LONP2: variants seen among roughly 807,000 people sequenced by gnomAD.
LONP2 encodes lon peptidase 2, peroxisomal.
In LONP2, 60 loss-of-function variants were observed where a neutral mutation model predicts 85.6. The ratio of observed to expected loss-of-function variants is 0.70; its 90% CI spans 0.57 to 0.87. LONP2 has a LOEUF of 0.87. Among genes scored for constraint, LONP2 ranks in the 40% least tolerant of loss-of-function variants. The pLI is 0.00. For missense variants in LONP2, 860 were observed against 1,063.5 expected, an observed-to-expected ratio of 0.81 and a Z score of 2.66; for synonymous variants, 395 against 389.7, an observed-to-expected ratio of 1.01 and a Z score of -0.16.
At chr16:48,248,526 C>T (rs1327022977) in intron 1 of LONP2, among the ~76,000 whole-genome samples, 1 of 152,000 alleles carries the variant, frequency 6.6e-6, no homozygotes, top group Non-Finnish European at 1.5e-5. Context: ...ATATGAAAGC[C>T]TTTTGAAACT....
chr16:48,267,897 T>G (rs1312804183), intron 6 of LONP2, among the ~76,000 whole-genome samples: 3 of 152,186 alleles, frequency 2.0e-5, no homozygotes, highest in Admixed American at 2.0e-4. Flanking sequence ...ATTACAGGTG[T>G]GAGCCACCGA....
At chr16:48,251,365 A>T (rs1180434272) in intron 1 of LONP2, among the ~76,000 whole-genome samples, 1 of 152,162 alleles carries the variant, frequency 6.6e-6, no homozygotes, top group Non-Finnish European at 1.5e-5. Flanking sequence ...CTTAGTTTGG[A>T]TGAGGCTTCC....
chr16:48,296,182 T>C lies in LONP2; in HGVS notation c.1534+17T>C, dbSNP rs746987742. On this transcript the variant is annotated intron_variant, in intron 9 of 14. Coordinates refer to ENST00000285737, the MANE Select transcript of LONP2 (RefSeq NM_031490.5). ...AGGTTCCAGGTACCTGACTCTTAAA[T>C]CATTATGATACATCTTGCCTTTCTG... 1.2e-6 allele frequency: 2 copies of C among 1,612,346 alleles called. No individual in the cohort carries two copies. Among genetic ancestry groups the C allele is most frequent in the South Asian group, 1.1e-5 (1 of 90,726 alleles).
downstream of LONP2, among the ~76,000 whole-genome samples, chr16:48,358,197 A>G (rs1404089530): frequency 2.0e-5 from 3 of 152,242 alleles, no homozygotes; most frequent in Admixed American, 2.0e-4. Context: ...GTTAAACACA[A>G]AATGTACTAC....
At chr16:48,322,662 C>T (rs1039937696) in intron 11 of LONP2, among the ~76,000 whole-genome samples, 1 of 152,136 alleles carries the variant, frequency 6.6e-6, no homozygotes, top group African/African-American at 2.4e-5. Flanking sequence ...ATTGCTTGAA[C>T]CCATGAGTTC....
chr16:48,348,154 C>A lies in LONP2; in HGVS notation c.2201C>A (p.Ala734Asp). The change falls in exon 14 of 15, where the codon GCT becomes GAT. Residue 734 changes from alanine to aspartate, a missense_variant. By Grantham distance (126) the Ala-to-Asp change is moderately radical. Coordinates refer to ENST00000285737, the MANE Select transcript of LONP2 (RefSeq NM_031490.5). ...ACAGACATCCATCTGCACTTCCCAG[C>A]TGGAGCTGTCACAAAAGATGGACCA... ...DNTDIHLHFP[A>D]GAVTKDGPSA... 3.1e-6 allele frequency: 5 copies of A among 1,611,858 alleles called. No homozygotes were observed. The highest frequency in any genetic ancestry group is 4.2e-6 in the Non-Finnish European group (5 of 1,179,572).
chr16:48,304,686 G>A (rs1174845937), intron 11 of LONP2, among the ~76,000 whole-genome samples: 1 of 152,104 alleles, frequency 6.6e-6, no homozygotes, highest in South Asian at 2.1e-4. Flanking sequence ...TCTGGGCAAC[G>A]GAGCGAGACT....
intron 7 of LONP2, among the ~76,000 whole-genome samples, chr16:48,272,491 G>A (rs570458069): frequency 6.6e-6 from 1 of 152,114 alleles, no homozygotes; most frequent in East Asian, 1.9e-4. Flanking sequence ...TTGTGTATGT[G>A]ACTGTATTAA....
At chr16:48,361,143 T>G, downstream of LONP2, 1 of 165,280 alleles carries the variant, frequency 6.1e-6, no homozygotes, top group South Asian at 1.5e-4. Flanking sequence ...CACTATGTAT[T>G]GACTCACAAA....
chr16:48,267,451 A>G (rs966184418), intron 6 of LONP2, among the ~76,000 whole-genome samples: 2 of 150,976 alleles, frequency 1.3e-5, no homozygotes, highest in African/African-American at 4.9e-5. Flanking sequence ...AGGCGCTTGC[A>G]ACCACACCCA....
At chr16:48,296,922 A>G (rs1411087501) in intron 9 of LONP2, among the ~76,000 whole-genome samples, 3 of 152,058 alleles carry the variant, frequency 2.0e-5, no homozygotes, top group Non-Finnish European at 2.9e-5. Context: ...TTTTCACCTT[A>G]TTTTAATTGC....
At chr16:48,248,851 C>T (rs1294329354) in intron 1 of LONP2, among the ~76,000 whole-genome samples, 1 of 148,078 alleles carries the variant, frequency 6.8e-6, no homozygotes, top group African/African-American at 2.5e-5. Flanking sequence ...CACTGCACTC[C>T]AGCCTGGGTG....
intron 5 of LONP2, 115 bp downstream of exon 5, chr16:48,261,702 C>A: frequency 1.4e-6 from 1 of 709,420 alleles, no homozygotes; most frequent in Non-Finnish European, 2.1e-6. Context: ...AATCTTCCAC[C>A]TGCAGTGTGC....
Position 48,353,468 on chromosome 16 carries a change from C to A in LONP2, c.*1666C>A, listed in dbSNP as rs1323290296. 1 of 142,914 alleles carries A rather than the reference C, an allele frequency of 7.0e-6. No individual in the cohort carries two copies. The highest frequency in any genetic ancestry group is 1.5e-5 in the Non-Finnish European group (1 of 67,236). The allele number at this position is 142,914 out of a possible 1,614,324, so 8.9% of individuals were successfully genotyped here. On this transcript the variant is annotated 3_prime_UTR_variant, in exon 15 of 15. Coordinates refer to ENST00000285737, the MANE Select transcript of LONP2 (RefSeq NM_031490.5). ...AAGATCACGCCACTGCACTCCAGCACCCTGGGCGACAGAGTGAGACCCTGT... is the reference window on the plus strand; with the variant it reads ...AAGATCACGCCACTGCACTCCAGCAACCTGGGCGACAGAGTGAGACCCTGT...
chr16:48,272,094 A>G (rs919557246), intron 7 of LONP2, among the ~76,000 whole-genome samples: 2 of 152,186 alleles, frequency 1.3e-5, no homozygotes, highest in African/African-American at 2.4e-5. Flanking sequence ...TCACATTGGT[A>G]TTGATTATTT....
intron 11 of LONP2, among the ~76,000 whole-genome samples, chr16:48,313,824 G>A (rs1310778093): frequency 6.6e-6 from 1 of 152,170 alleles, no homozygotes; most frequent in Non-Finnish European, 1.5e-5. Context: ...TATATACCCA[G>A]TAGTGGGATT....
At chr16:48,246,154 A>C (rs1234486979) in intron 1 of LONP2, among the ~76,000 whole-genome samples, 1 of 152,162 alleles carries the variant, frequency 6.6e-6, no homozygotes, top group Non-Finnish European at 1.5e-5. Context: ...AACAAAGACC[A>C]ACAAACCTTC....
chr16:48,332,517 G>T (rs1368026577), intron 11 of LONP2, among the ~76,000 whole-genome samples: 2 of 152,124 alleles, frequency 1.3e-5, no homozygotes, highest in African/African-American at 4.8e-5. Context: ...TTCGAGACCA[G>T]CCTGGCCAAC....
At chr16:48,360,593 A>G (rs1231073645), downstream of LONP2, 1 of 152,654 alleles carries the variant, frequency 6.6e-6, no homozygotes, top group Non-Finnish European at 1.5e-5. Flanking sequence ...CATTTTTTGC[A>G]AACTGCCTTT....
Sources: allele counts gnomAD v4.1 joint callset (sites outside exome capture counted in the v4.1 genomes callset), GRCh38; gene constraint gnomAD v4.1.1; transcripts MANE v1.5; gene names NCBI Gene and HGNC (gene_info 2026-07-23, HGNC 2026-07-21).